Variants in CABIN1 observed in about 807,000 individuals in gnomAD.
The protein encoded by CABIN1 is calcineurin-binding protein cabin-1.
Under a neutral mutation model 227.7 loss-of-function variants are expected in CABIN1, and 133 were observed. That is an observed-to-expected ratio of 0.58 (90% CI 0.51 to 0.67). The LOEUF (loss-of-function observed/expected upper bound fraction) is 0.67. Among genes scored for constraint, CABIN1 ranks in the 30% least tolerant of loss-of-function variants. The pLI is 0.00. For missense variants in CABIN1, 2,408 were observed against 2,852.5 expected (o/e 0.84, Z 3.55); for synonymous variants, 1,086 against 1,155.1 (o/e 0.94, Z 1.21).
At chr22:24,164,656 G>C (rs935589714) in intron 30 of CABIN1, 93 bp downstream of exon 30, 1 of 1,402,474 alleles carries the variant, frequency 7.1e-7, no homozygotes, top group Non-Finnish European at 9.8e-7. Flanking sequence ...TGGCCCAGCT[G>C]TGAGGACCAC....
chr22:24,016,695 A>G (rs2146449281), intron 1 of CABIN1, among the ~76,000 whole-genome samples: 1 of 152,310 alleles, frequency 6.6e-6, no homozygotes, highest in South Asian at 2.1e-4. Flanking sequence ...AGGTAAATGC[A>G]TATGTAGTTT....
intron 1 of CABIN1, among the ~76,000 whole-genome samples, chr22:24,018,029 A>AT (rs1235604955): frequency 5.9e-5 from 9 of 151,878 alleles, no homozygotes; most frequent in Non-Finnish European, 4.4e-5. Context: ...TAATTTTTAA[A>AT]TTTTTTGTAG....
chr22:24,092,687 AGTGTGT>A (rs3221282), intron 24 of CABIN1, among the ~76,000 whole-genome samples: 106 of 138,806 alleles, frequency 7.6e-4, no homozygotes, highest in East Asian at 2.2e-3. Flanking sequence ...TGATTATAAA[AGTGTGT>A]GTGTGTGTGT....
chr22:24,092,006 C>T, intron 24 of CABIN1, 163 bp downstream of exon 24: 3 of 791,612 alleles, frequency 3.8e-6, no homozygotes, highest in Non-Finnish European at 5.9e-6. Flanking sequence ...ACATCATTTC[C>T]TCTCTTTTCC....
In CABIN1 at chr22:24,071,009, T is replaced by C; in HGVS notation, c.2442T>C (p.Thr814=). Residue 814 remains threonine (T), a synonymous_variant, in exon 17 of 37, where the codon ACT becomes ACC. Transcript: ENST00000263119. ...TCCTGAAGGTATCATCCTCCACCAC[T>C]GGCCTTGTGCGGCTCACCAACAACC... ...GSILKVSSST[T]GLVRLTNNLI... The C allele has an allele frequency of 6.2e-7, 1 of 1,614,244 alleles. No homozygotes were observed. The highest frequency in any genetic ancestry group is 8.5e-7 in the Non-Finnish European group (1 of 1,180,042).
chr22:24,093,650 G>GT (rs1223308740), intron 24 of CABIN1, among the ~76,000 whole-genome samples: 1 of 152,174 alleles, frequency 6.6e-6, no homozygotes, highest in Non-Finnish European at 1.5e-5. Context: ...GAGTCCAGGA[G>GT]TTTGAGATAT....
chr22:24,154,797 C>A (rs559268708), intron 29 of CABIN1, among the ~76,000 whole-genome samples: 62 of 152,230 alleles, frequency 4.1e-4, no homozygotes, highest in Non-Finnish European at 7.4e-4. Context: ...ACTAGGGGTA[C>A]CTGGAAGGGG....
At chr22:24,099,203 T>C (rs2042067388) in intron 26 of CABIN1, among the ~76,000 whole-genome samples, 1 of 152,190 alleles carries the variant, frequency 6.6e-6, no homozygotes, top group Non-Finnish European at 1.5e-5. Flanking sequence ...GGTTCCTGGA[T>C]ATAGCATGGG....
At chr22:24,092,696 G>GTA (rs1229953706) in intron 24 of CABIN1, among the ~76,000 whole-genome samples, 9 of 149,740 alleles carry the variant, frequency 6.0e-5, no homozygotes, top group African/African-American at 2.2e-4. Context: ...AAGTGTGTGT[G>GTA]TGTGTGTGTG....
rs570308074 is a variant in CABIN1, at chr22:24,136,896, T to A, written c.4746+2481T>A. On this transcript the variant is annotated intron_variant, in intron 29 of 36. Coordinates refer to ENST00000263119, the MANE Select transcript of CABIN1 (RefSeq NM_012295.4). ...GATTATTGGTCCTTTTCCTATTGAT[T>A]AATAAGAACTCTTTATATATCAATG... 2.2e-3 allele frequency among the ~76,000 whole-genome samples: 334 copies of A among 152,290 alleles called. 2 individuals carry two copies. Among genetic ancestry groups the A allele is most frequent in the African/African-American group, 7.2e-3 (301 of 41,564 alleles).
chr22:24,087,003 G>T (rs989618049), intron 22 of CABIN1, among the ~76,000 whole-genome samples: 2 of 152,156 alleles, frequency 1.3e-5, no homozygotes, highest in South Asian at 4.1e-4. Context: ...AAGTAGGTAA[G>T]ATCACACCTG....
At chr22:24,049,892 A>G (rs2038192805) in intron 7 of CABIN1, among the ~76,000 whole-genome samples, 1 of 152,056 alleles carries the variant, frequency 6.6e-6, no homozygotes, top group South Asian at 2.1e-4. Flanking sequence ...TCCCACAGAC[A>G]CACTTCTGAG....
intron 8 of CABIN1, among the ~76,000 whole-genome samples, chr22:24,054,445 G>A (rs2038619434): frequency 6.6e-6 from 1 of 152,218 alleles, no homozygotes; most frequent in African/African-American, 2.4e-5. Context: ...CCATGTCCCT[G>A]TTGGCAGTCC....
chr22:24,113,744 A>G lies in CABIN1; in HGVS notation c.4296A>G (p.Glu1432=), dbSNP rs201330478. The part of the protein sequence containing the change: ...TGKDLQGATE[E]RGKNEESLES... Reference sequence around the variant, plus strand: ...AAGATCTTCAGGGGGCCACAGAAGAAAGAGGTATGAAGCCCTAACTCGGTG... The same window carrying G: ...AAGATCTTCAGGGGGCCACAGAAGAGAGAGGTATGAAGCCCTAACTCGGTG... Residue 1432 remains glutamate (E), a synonymous_variant, in exon 27 of 37, where the codon GAA becomes GAG. Transcript: ENST00000263119. 24 of 1,613,802 alleles carry G rather than the reference A, an allele frequency of 1.5e-5. No individual in the cohort carries two copies. In the East Asian group the frequency reaches 5.1e-4, roughly 34 times the overall value.
At chr22:24,027,104 T>G (rs1484260532) in intron 1 of CABIN1, among the ~76,000 whole-genome samples, 1 of 152,254 alleles carries the variant, frequency 6.6e-6, no homozygotes, top group Admixed American at 6.5e-5. Flanking sequence ...TGTACATATT[T>G]TGTTATATTT....
In CABIN1 at chr22:24,156,085, T is replaced by C. The variant is rs1026473507; in HGVS notation, c.4747-8315T>C. 1.2e-5 allele frequency: 5 copies of C among 416,836 alleles called. No homozygotes were observed. In the Admixed American group the frequency reaches 2.2e-4, roughly 18 times the overall value. 25.8% of individuals were successfully genotyped at this position (416,836 alleles called of 1,614,324 possible). Reference sequence around the variant, plus strand: ...CACGGCGGAGCCGGCGGGTAGGAACTTGGCGGGGGCGGGGGCCGGGACTGG... The same window carrying C: ...CACGGCGGAGCCGGCGGGTAGGAACCTGGCGGGGGCGGGGGCCGGGACTGG... On this transcript the variant is annotated intron_variant, in intron 29 of 36. Coordinates refer to ENST00000263119, the MANE Select transcript of CABIN1 (RefSeq NM_012295.4).
In CABIN1 at chr22:24,095,888, G is replaced by A. The variant is rs537205848; in HGVS notation, c.3787-43G>A. 16 of 1,612,218 alleles carry A rather than the reference G, an allele frequency of 9.9e-6. No homozygotes were observed. In the South Asian group the frequency reaches 1.3e-4, roughly 13 times the overall value. The stretch of plus-strand genomic sequence containing the variant: ...TGACTGGCCTGTGGAACAAATCTTA[G>A]CAACTGGGAAGGCTGCTCACACTAG... On this transcript the variant is annotated intron_variant, in intron 24 of 36. Transcript: ENST00000263119.
At chr22:24,089,899 G>A (rs2041427531) in intron 23 of CABIN1, among the ~76,000 whole-genome samples, 1 of 152,216 alleles carries the variant, frequency 6.6e-6, no homozygotes, top group South Asian at 2.1e-4. Context: ...CATTCCTGTT[G>A]TGGTTCCTTC....
Position 24,167,263 on chromosome 22 carries a change from C to T in CABIN1, c.5632C>T (p.Leu1878=). The T allele has an allele frequency of 2.5e-6, 4 of 1,613,502 alleles. No homozygotes were observed. Among genetic ancestry groups the T allele is most frequent in the Non-Finnish European group, 2.5e-6 (3 of 1,180,012 alleles). Residue 1878 remains leucine, a synonymous_variant, in exon 32 of 37, where the codon CTG becomes TTG. Coordinates refer to ENST00000263119, the MANE Select transcript of CABIN1 (RefSeq NM_012295.4). ...GGGCCAGAAGGGTGTGGCCTATGAC[C>T]TGGGCCGTGTGGAGAGGATCATGTC... ...QQGQKGVAYD[L]GRVERIMSET... is the part of the protein sequence containing the mutation.
Sources: gnomAD v4.1 joint callset for allele counts (sites outside exome capture counted in the v4.1 genomes callset) on GRCh38, gnomAD v4.1.1 for gene constraint, MANE v1.5 for transcripts, NCBI Gene and HGNC (gene_info 2026-07-23, HGNC 2026-07-21) for gene names.